Variants in PID1 observed in about 807,000 individuals in gnomAD.
The protein encoded by PID1 is phosphotyrosine interaction domain containing 1.
Under a neutral mutation model 19.1 loss-of-function variants are expected in PID1, and 10 were observed. The ratio of observed to expected loss-of-function variants is 0.52; its 90% CI spans 0.32 to 0.89. The LOEUF is 0.89. Ranked by LOEUF, PID1 falls within the 40% of genes least tolerant of loss-of-function variation. The pLI, the probability that PID1 is intolerant of heterozygous loss-of-function variation, is 0.03. For missense variants in PID1, 248 were observed against 285.3 expected (o/e 0.87, Z 0.94); for synonymous variants, 130 against 116.0 (o/e 1.12, Z -0.78).
chr2:229,111,264 G>C (rs1044980816), intron 2 of PID1, among the ~76,000 whole-genome samples: 1 of 152,182 alleles, frequency 6.6e-6, no homozygotes, highest in Non-Finnish European at 1.5e-5. Flanking sequence ...GGATGGCAAA[G>C]GAGCAGCGAT....
chr2:229,031,171 G>A (rs1350756714), intron 2 of PID1, among the ~76,000 whole-genome samples: 6 of 128,898 alleles, frequency 4.7e-5, no homozygotes, highest in East Asian at 4.9e-4. Context: ...AGCTGAGATC[G>A]TGCTACTGCA....
At chr2:229,214,588 AT>A (rs1043776474) in intron 1 of PID1, among the ~76,000 whole-genome samples, 140 of 152,316 alleles carry the variant, frequency 9.2e-4, no homozygotes, top group African/African-American at 3.3e-3. Context: ...GCACTGTTTT[AT>A]TAGTTAGTTT....
intron 2 of PID1, among the ~76,000 whole-genome samples, chr2:229,064,422 T>G (rs1694278071): frequency 6.6e-6 from 1 of 152,004 alleles, no homozygotes; most frequent in Non-Finnish European, 1.5e-5. Context: ...GAATTAAGTT[T>G]TGGATGAGAT....
chr2:229,069,407 T>A (rs1694407097), intron 2 of PID1, among the ~76,000 whole-genome samples: 1 of 152,018 alleles, frequency 6.6e-6, no homozygotes, highest in African/African-American at 2.4e-5. Flanking sequence ...GGTTGATGGC[T>A]GGAGATGAGT....
intron 2 of PID1, among the ~76,000 whole-genome samples, chr2:229,037,607 T>C (rs1221284813): frequency 6.6e-6 from 1 of 152,222 alleles, no homozygotes; most frequent in African/African-American, 2.4e-5. Context: ...GGTACTGAAG[T>C]GTGCCCCTGA....
At chr2:229,222,624 T>C (rs1449999186) in intron 1 of PID1, among the ~76,000 whole-genome samples, 4 of 151,840 alleles carry the variant, frequency 2.6e-5, no homozygotes, top group African/African-American at 7.3e-5. Context: ...AAGCAGGTTG[T>C]CCTCCCCAGG....
At chr2:229,050,093 C>G (rs1451243151) in intron 2 of PID1, among the ~76,000 whole-genome samples, 7 of 152,088 alleles carry the variant, frequency 4.6e-5, no homozygotes, top group Non-Finnish European at 1.0e-4. Context: ...AGAACTTTTC[C>G]TAAATGACAG....
chr2:229,229,019 A>G lies in PID1; in HGVS notation c.30+41995T>C, dbSNP rs538524789. Among the ~76,000 whole-genome samples the G allele has an allele frequency of 3.3e-5, 5 of 152,260 alleles. No homozygotes were observed. The South Asian group carries it at 6.2e-4, about 19-fold the overall frequency. On this transcript the variant is annotated intron_variant, in intron 1 of 2. Transcript: ENST00000392055. ...AAGGCTGTGGCTTGGAGTCTCATCA[A>G]ATTAGATAATGGAGACACGGTCTGC...
intron 1 of PID1, among the ~76,000 whole-genome samples, chr2:229,257,396 C>T (rs1690330411): frequency 6.6e-6 from 1 of 152,166 alleles, no homozygotes; most frequent in South Asian, 2.1e-4. Flanking sequence ...CTCTCCTGTC[C>T]CCTCTTCCTG....
intron 2 of PID1, among the ~76,000 whole-genome samples, chr2:229,078,442 G>A (rs925917544): frequency 1.3e-5 from 2 of 152,180 alleles, no homozygotes; most frequent in Admixed American, 6.5e-5. Context: ...TGTTGCATAG[G>A]AGTAGTGAGA....
intron 1 of PID1, among the ~76,000 whole-genome samples, chr2:229,260,923 G>A (rs1690448592): frequency 6.9e-6 from 1 of 145,628 alleles, no homozygotes; most frequent in Non-Finnish European, 1.5e-5. Flanking sequence ...ATTAAATTGT[G>A]TCCCTCTAAA....
At chr2:229,027,600 C>T (rs752055283) in intron 2 of PID1, among the ~76,000 whole-genome samples, 1 of 152,062 alleles carries the variant, frequency 6.6e-6, no homozygotes, top group Non-Finnish European at 1.5e-5. Context: ...CAGTGGCATA[C>T]TGATGACAGA....
intron 2 of PID1, among the ~76,000 whole-genome samples, chr2:229,062,907 C>G (rs1009069415): frequency 6.6e-6 from 1 of 151,886 alleles, no homozygotes; most frequent in African/African-American, 2.4e-5. Context: ...AATTTGTTGG[C>G]GAATAATTTG....
At chr2:229,270,261 C>T (rs1690700194) in intron 1 of PID1, among the ~76,000 whole-genome samples, 1 of 152,220 alleles carries the variant, frequency 6.6e-6, no homozygotes, top group Non-Finnish European at 1.5e-5. Flanking sequence ...GTCCTCAAAC[C>T]TTGCAACCAG....
chr2:229,238,668 C>T (rs983186024), intron 1 of PID1, among the ~76,000 whole-genome samples: 3 of 152,008 alleles, frequency 2.0e-5, no homozygotes, highest in African/African-American at 7.3e-5. Context: ...ACTTTCACTC[C>T]ACCTCTTGCA....
intron 2 of PID1, among the ~76,000 whole-genome samples, chr2:229,153,805 T>A (rs1047643012): frequency 9.1e-4 from 139 of 152,342 alleles, no homozygotes; most frequent in African/African-American, 3.3e-3. Context: ...ATTTTAAAAC[T>A]GTGTAGTTTT....
intron 1 of PID1, among the ~76,000 whole-genome samples, chr2:229,160,543 C>T (rs186215954): frequency 6.6e-6 from 1 of 152,270 alleles, no homozygotes; most frequent in East Asian, 1.9e-4. Context: ...CACCTATATG[C>T]AGCCAAATAC....
At chr2:229,041,001 A>C (rs989796946) in intron 2 of PID1, among the ~76,000 whole-genome samples, 1 of 152,204 alleles carries the variant, frequency 6.6e-6, no homozygotes, top group Non-Finnish European at 1.5e-5. Flanking sequence ...ATGGCTTTCA[A>C]TATATCTAGA....
intron 2 of PID1, among the ~76,000 whole-genome samples, chr2:229,126,761 G>C (rs2106163352): frequency 6.6e-6 from 1 of 152,284 alleles, no homozygotes; most frequent in East Asian, 1.9e-4. Context: ...CATAATCCCA[G>C]TCAGCTAGCC....
Sources: allele counts gnomAD v4.1 joint callset (sites outside exome capture counted in the v4.1 genomes callset), GRCh38; gene constraint gnomAD v4.1.1; transcripts MANE v1.5; gene names NCBI Gene and HGNC (gene_info 2026-07-23, HGNC 2026-07-21).